CLASP1: variants seen among roughly 807,000 people sequenced by gnomAD.
CLASP1 encodes cytoplasmic linker associated protein 1.
In CLASP1, 38 loss-of-function variants were observed where a neutral mutation model predicts 192.3. The observed-to-expected ratio is 0.20, with a 90% CI of 0.15 to 0.26. The LOEUF (loss-of-function observed/expected upper bound fraction) is 0.26. Among genes scored for constraint, CLASP1 ranks in the 10% least tolerant of loss-of-function variants. The pLI, the probability that CLASP1 is intolerant of heterozygous loss-of-function variation, is 1.00. For missense variants in CLASP1, 1,433 were observed against 1,932.5 expected, an observed-to-expected ratio of 0.74 and a Z score of 4.85; for synonymous variants, 691 against 712.8, an observed-to-expected ratio of 0.97 and a Z score of 0.49.
intron 4 of CLASP1, 34 bp downstream of exon 4, chr2:121,528,643 C>A (rs774412411): frequency 6.3e-7 from 1 of 1,578,666 alleles, no homozygotes; most frequent in South Asian, 1.1e-5. Flanking sequence ...CGCGCACTGG[C>A]CAGCTGACCT....
intron 2 of CLASP1, among the ~76,000 whole-genome samples, chr2:121,560,861 A>G (rs1344604565): frequency 1.3e-5 from 2 of 152,122 alleles, no homozygotes; most frequent in Admixed American, 6.5e-5. Context: ...CAGCCTCCCA[A>G]GTAGCCAGGA....
At chr2:121,642,314 G>A (rs1244958952) in intron 1 of CLASP1, among the ~76,000 whole-genome samples, 2 of 150,840 alleles carry the variant, frequency 1.3e-5, no homozygotes, top group African/African-American at 2.4e-5. Flanking sequence ...AGCTACTCAG[G>A]AGGCTGAGGT....
At chr2:121,540,979 T>C (rs971589753) in intron 2 of CLASP1, among the ~76,000 whole-genome samples, 1 of 152,214 alleles carries the variant, frequency 6.6e-6, no homozygotes, top group Non-Finnish European at 1.5e-5. Flanking sequence ...AGCTTTAAAA[T>C]ACATCATTAA....
chr2:121,624,860 G>A (rs2068029201), intron 1 of CLASP1, among the ~76,000 whole-genome samples: 1 of 152,350 alleles, frequency 6.6e-6, no homozygotes, highest in East Asian at 1.9e-4. Flanking sequence ...ATCATGATAT[G>A]ATATATTTTG....
chr2:121,603,834 C>T (rs775599635), intron 2 of CLASP1, among the ~76,000 whole-genome samples: 2 of 152,206 alleles, frequency 1.3e-5, no homozygotes, highest in African/African-American at 2.4e-5. Context: ...TTAAACACTA[C>T]ATGTTCTCAC....
chr2:121,614,560 G>A (rs532807309), intron 1 of CLASP1, among the ~76,000 whole-genome samples: 1 of 152,266 alleles, frequency 6.6e-6, no homozygotes, highest in South Asian at 2.1e-4. Context: ...CCAATCAATA[G>A]GAGGAGCTAC....
chr2:121,360,359 TAAAG>T (rs1408903605), intron 37 of CLASP1, among the ~76,000 whole-genome samples: 1 of 152,202 alleles, frequency 6.6e-6, no homozygotes, highest in African/African-American at 2.4e-5. Context: ...GTATGACTAA[TAAAG>T]TAAGTCTAGA....
intron 33 of CLASP1, 52 bp from the exon 35 acceptor site, chr2:121,377,701 G>A (rs1303645723): frequency 1.2e-5 from 15 of 1,244,322 alleles, no homozygotes; most frequent in Middle Eastern, 2.4e-4. Flanking sequence ...ACATAGAACT[G>A]AGATATGGGC....
At chr2:121,626,470 C>A (rs538534719) in intron 1 of CLASP1, among the ~76,000 whole-genome samples, 1 of 152,308 alleles carries the variant, frequency 6.6e-6, no homozygotes, top group South Asian at 2.1e-4. Flanking sequence ...CCTACAAAAC[C>A]TCTGTCAGAT....
chr2:121,378,371 T>C (rs2070774576), intron 33 of CLASP1, among the ~76,000 whole-genome samples: 1 of 152,154 alleles, frequency 6.6e-6, no homozygotes, highest in Admixed American at 6.6e-5. Context: ...AAGCAAGAAA[T>C]ATTTGTTGTT....
intron 1 of CLASP1, among the ~76,000 whole-genome samples, chr2:121,627,595 G>C (rs2068629942): frequency 1.3e-5 from 2 of 152,206 alleles, no homozygotes; most frequent in Admixed American, 6.5e-5. Flanking sequence ...AGGTGTACCT[G>C]AGCATGAGAA....
chr2:121,428,929 C>G (rs2080912506), intron 20 of CLASP1, among the ~76,000 whole-genome samples: 1 of 152,174 alleles, frequency 6.6e-6, no homozygotes, highest in South Asian at 2.1e-4. Context: ...CAATGGCTCA[C>G]AAAGGTTAAA....
At chr2:121,524,390 C>T (rs1384495840) in intron 6 of CLASP1, among the ~76,000 whole-genome samples, 3 of 151,270 alleles carry the variant, frequency 2.0e-5, no homozygotes, top group Admixed American at 6.6e-5. Flanking sequence ...TTTAAATTAA[C>T]GTTGAATATA....
At chr2:121,573,802 T>C (rs184714360) in intron 2 of CLASP1, among the ~76,000 whole-genome samples, 2 of 152,306 alleles carry the variant, frequency 1.3e-5, no homozygotes, top group African/African-American at 4.8e-5. Context: ...TGTGAATCTA[T>C]GATTACCTCA....
rs190074582 is a variant in CLASP1 at position 121,345,051 on chromosome 2, C to T, written c.4530+1987G>A. Among the ~76,000 whole-genome samples, 1,040 of 152,230 alleles carry T rather than the reference C, an allele frequency of 6.8e-3. 4 individuals are homozygous for T. The highest frequency in any genetic ancestry group is 0.011 in the Admixed American group (169 of 15,296). On this transcript the variant is annotated intron_variant, in intron 39 of 39. Transcript: ENST00000263710. Reference sequence around the variant, plus strand: ...GCGCACGCCTGTAATCCCAGCTACTCGGGAGGCTGAGGCAGGAGAATAGCT... The same window carrying T: ...GCGCACGCCTGTAATCCCAGCTACTTGGGAGGCTGAGGCAGGAGAATAGCT...
intron 19 of CLASP1, among the ~76,000 whole-genome samples, chr2:121,440,036 A>G (rs951911614): frequency 7.3e-5 from 11 of 150,744 alleles, no homozygotes; most frequent in African/African-American, 2.7e-4. Flanking sequence ...ATACATATGT[A>G]ACTAACCTGC....
At chr2:121,554,968 T>C (rs1005797524) in intron 2 of CLASP1, among the ~76,000 whole-genome samples, 1 of 152,184 alleles carries the variant, frequency 6.6e-6, no homozygotes, top group Non-Finnish European at 1.5e-5. Flanking sequence ...GAAGAACTTA[T>C]TATACCTGCC....
chr2:121,463,701 A>G (rs1312988057), intron 9 of CLASP1, among the ~76,000 whole-genome samples: 1 of 152,166 alleles, frequency 6.6e-6, no homozygotes, highest in Non-Finnish European at 1.5e-5. Flanking sequence ...CTATGGCATT[A>G]AACAACATGC....
chr2:121,559,803 C>A (rs536618773), intron 2 of CLASP1, among the ~76,000 whole-genome samples: 2 of 152,000 alleles, frequency 1.3e-5, no homozygotes, highest in South Asian at 2.1e-4. Flanking sequence ...TACAAAAAAA[C>A]CACTTAATTG....
Sources: gnomAD v4.1 joint callset for allele counts (sites outside exome capture counted in the v4.1 genomes callset) on GRCh38, gnomAD v4.1.1 for gene constraint, MANE v1.5 for transcripts, NCBI Gene and HGNC (gene_info 2026-07-23, HGNC 2026-07-21) for gene names.